CATSPERE: variants seen among roughly 807,000 people sequenced by gnomAD.
CATSPERE encodes catsper channel auxiliary subunit epsilon.
In CATSPERE, 93 loss-of-function variants were observed where a neutral mutation model predicts 114.1. The observed-to-expected ratio is 0.81, with a 90% confidence interval of 0.69 to 0.97. CATSPERE has a LOEUF of 0.97. CATSPERE is among the 50% of genes least tolerant of loss of function. The pLI, the probability that CATSPERE is intolerant of heterozygous loss-of-function variation, is 0.00. For synonymous variants in CATSPERE, 341 were observed against 384.1 expected, an observed-to-expected ratio of 0.89 and a Z score of 1.31; for missense variants, 1,058 against 1,131.6, an observed-to-expected ratio of 0.93 and a Z score of 0.93.
At chr1:244,625,885 G>T (rs1239059390) in intron 20 of CATSPERE, among the ~76,000 whole-genome samples, 1 of 151,774 alleles carries the variant, frequency 6.6e-6, no homozygotes, top group Non-Finnish European at 1.5e-5. Context: ...CACCATGCCC[G>T]GCCAAGTAGT....
chr1:244,525,240 C>G, intron 8 of CATSPERE, among the ~76,000 whole-genome samples: 1 of 148,130 alleles, frequency 6.8e-6, no homozygotes, highest in African/African-American at 2.5e-5. Flanking sequence ...ATCGCAAGAA[C>G]AAAAAACCAA....
At chr1:244,481,585 T>A (rs13375133) in intron 5 of CATSPERE, among the ~76,000 whole-genome samples, 5 of 152,202 alleles carry the variant, frequency 3.3e-5, no homozygotes, top group African/African-American at 1.2e-4. Flanking sequence ...TCAGAGAAGA[T>A]AATCTGTTGC....
chr1:244,534,410 T>G (rs1680064060), intron 8 of CATSPERE, among the ~76,000 whole-genome samples: 2 of 152,264 alleles, frequency 1.3e-5, no homozygotes, highest in South Asian at 4.1e-4. Context: ...ATTTGCCCCG[T>G]TGAGGCTGTT....
At chr1:244,451,349 C>T (rs1227352699), upstream of CATSPERE, among the ~76,000 whole-genome samples, 1 of 152,196 alleles carries the variant, frequency 6.6e-6, no homozygotes, top group African/African-American at 2.4e-5. This position sits in a 1 kb window ranked among gnomAD's most constrained non-coding sequence, Gnocchi z 6.6. Context: ...ACTCGCCAGA[C>T]GCAAAACTGC....
At chr1:244,588,064 C>T (rs1359672491) in intron 13 of CATSPERE, among the ~76,000 whole-genome samples, 1 of 151,976 alleles carries the variant, frequency 6.6e-6, no homozygotes, top group Non-Finnish European at 1.5e-5. Context: ...CGTGGTGGTG[C>T]ATGCCTATAA....
intron 2 of CATSPERE, among the ~76,000 whole-genome samples, chr1:244,476,669 A>C (rs1669405677): frequency 6.6e-6 from 1 of 152,252 alleles, no homozygotes; most frequent in Non-Finnish European, 1.5e-5. Flanking sequence ...CACAAATATT[A>C]GAAGGTAAAA....
chr1:244,635,688 G>A, intron 21 of CATSPERE, 146 bp downstream of exon 21: 1 of 606,348 alleles, frequency 1.6e-6, no homozygotes. Flanking sequence ...ATCTTATTAT[G>A]AAAATTATTA....
chr1:244,469,559 G>C (rs557984068), intron 2 of CATSPERE, among the ~76,000 whole-genome samples: 1 of 152,146 alleles, frequency 6.6e-6, no homozygotes, highest in African/African-American at 2.4e-5. Flanking sequence ...GAACTAAAAG[G>C]CATCCACTTT....
rs181011840 is a variant in CATSPERE, at chr1:244,583,107, G to A, written c.2010-757G>A. On this transcript the variant is annotated intron_variant, in intron 12 of 21. Transcript: ENST00000366534. Reference sequence around the variant, plus strand: ...ATCTCTTTATGCTCCTAATGGTCTAGGTTCCTTTGGATATTTATGGTTTTG... The same window carrying A: ...ATCTCTTTATGCTCCTAATGGTCTAAGTTCCTTTGGATATTTATGGTTTTG... 3.8e-3 allele frequency among the ~76,000 whole-genome samples: 580 copies of A among 151,906 alleles called. 6 individuals carry two copies. Among genetic ancestry groups the A allele is most frequent in the African/African-American group, 0.013 (558 of 41,358 alleles).
chr1:244,570,879 GT>G (rs779299386), intron 10 of CATSPERE, among the ~76,000 whole-genome samples: 5 of 152,186 alleles, frequency 3.3e-5, no homozygotes, highest in Non-Finnish European at 5.9e-5. Context: ...GTGCAAAGAT[GT>G]GGAGGTAGGA....
chr1:244,489,756 C>T (rs953404918), intron 5 of CATSPERE, among the ~76,000 whole-genome samples: 1 of 151,924 alleles, frequency 6.6e-6, no homozygotes, highest in Non-Finnish European at 1.5e-5. Flanking sequence ...AGGGAGAAAA[C>T]TTTAACTGCC....
At chr1:244,557,336 TAAC>T (rs1207811163) in intron 9 of CATSPERE, among the ~76,000 whole-genome samples, 2 of 151,312 alleles carry the variant, frequency 1.3e-5, no homozygotes, top group African/African-American at 4.8e-5. Flanking sequence ...ATGGACATTT[TAAC>T]AATAGTAATT....
At chr1:244,637,565 C>T (rs1490028276) in intron 21 of CATSPERE, among the ~76,000 whole-genome samples, 1 of 152,200 alleles carries the variant, frequency 6.6e-6, no homozygotes, top group East Asian at 1.9e-4. Flanking sequence ...CCGCAACCCC[C>T]CTTCACCCTT....
At chr1:244,623,261 A>C (rs905820887) in intron 20 of CATSPERE, among the ~76,000 whole-genome samples, 22 of 151,948 alleles carry the variant, frequency 1.4e-4, no homozygotes, top group African/African-American at 5.1e-4. Context: ...TATTTTTAGT[A>C]TAGATGGGGT....
intron 7 of CATSPERE, among the ~76,000 whole-genome samples, chr1:244,517,035 T>C (rs1184029251): frequency 1.3e-5 from 2 of 152,050 alleles, no homozygotes; most frequent in East Asian, 3.8e-4. Flanking sequence ...TGAAAAATTA[T>C]GCAGACATTG....
At chr1:244,556,691 T>C (rs1193562003) in intron 9 of CATSPERE, among the ~76,000 whole-genome samples, 2 of 152,210 alleles carry the variant, frequency 1.3e-5, no homozygotes, top group African/African-American at 4.8e-5. Flanking sequence ...TACATTAAGT[T>C]TTTAATCCAT....
chr1:244,588,244 T>C (rs1572894709), intron 13 of CATSPERE, among the ~76,000 whole-genome samples: 1 of 127,432 alleles, frequency 7.8e-6, no homozygotes, highest in Non-Finnish European at 1.7e-5. Context: ...GAGACACAAA[T>C]GTAAGAAAGG....
At chr1:244,547,235 A>T (rs896314756) in intron 8 of CATSPERE, among the ~76,000 whole-genome samples, 1 of 113,598 alleles carries the variant, frequency 8.8e-6, no homozygotes, top group Non-Finnish European at 1.9e-5. Flanking sequence ...TGTGCTCGGC[A>T]GGCCATCCTT....
intron 8 of CATSPERE, among the ~76,000 whole-genome samples, chr1:244,544,368 C>T (rs760252601): frequency 1.2e-4 from 19 of 152,116 alleles, no homozygotes; most frequent in South Asian, 2.1e-4. Flanking sequence ...TATCAGAATG[C>T]GGGCTTATGG....
Sources: gnomAD v4.1 joint callset for allele counts (sites outside exome capture counted in the v4.1 genomes callset) on GRCh38, gnomAD v4.1.1 for gene constraint, Gnocchi (gnomAD v3.1) non-coding constraint, MANE v1.5 for transcripts, NCBI Gene and HGNC (gene_info 2026-07-23, HGNC 2026-07-21) for gene names.